UBE3D: variants seen among roughly 807,000 people sequenced by gnomAD.
UBE3D encodes ubiquitin protein ligase E3D.
UBE3D carries 48 observed loss-of-function variants against 49.6 expected under a neutral mutation model. That is an observed-to-expected ratio of 0.97 (90% CI 0.77 to 1.23). UBE3D has a LOEUF of 1.23. Among genes scored for constraint, UBE3D ranks in the 50% most tolerant of loss-of-function variants. The pLI, the probability that UBE3D is intolerant of heterozygous loss-of-function variation, is 0.00. For missense variants in UBE3D, 452 were observed against 468.4 expected (o/e 0.96, Z 0.32); for synonymous variants, 189 against 174.2 (o/e 1.08, Z -0.67).
chr6:82,942,225 GC>G (rs926048863), intron 9 of UBE3D, among the ~76,000 whole-genome samples: 3 of 152,310 alleles, frequency 2.0e-5, no homozygotes, highest in East Asian at 1.9e-4. Context: ...CTATGTTTTA[GC>G]AAAGAGACTG....
chr6:82,965,481 A>G (rs1043687288), intron 8 of UBE3D, among the ~76,000 whole-genome samples: 1 of 151,234 alleles, frequency 6.6e-6, no homozygotes, highest in Admixed American at 6.6e-5. Flanking sequence ...TACTCGGGAG[A>G]CTGAGGCAGG....
chr6:82,918,993 G>T (rs924857770), intron 9 of UBE3D, among the ~76,000 whole-genome samples: 1 of 152,080 alleles, frequency 6.6e-6, no homozygotes, highest in African/African-American at 2.4e-5. Context: ...CTCCATGATT[G>T]GCCTCCTGTG....
chr6:82,915,115 T>C (rs1350030963), intron 9 of UBE3D, among the ~76,000 whole-genome samples: 3 of 152,290 alleles, frequency 2.0e-5, no homozygotes, highest in Middle Eastern at 3.4e-3. Context: ...TTAAGTTTTA[T>C]AGAATGTTCT....
chr6:83,034,902 G>T (rs1782135622), intron 5 of UBE3D, among the ~76,000 whole-genome samples: 1 of 152,052 alleles, frequency 6.6e-6, no homozygotes, highest in South Asian at 2.1e-4. Flanking sequence ...AAAAAAATCA[G>T]CCAGGTATGT....
chr6:83,056,822 G>C (rs965189758), intron 2 of UBE3D, among the ~76,000 whole-genome samples: 10 of 152,164 alleles, frequency 6.6e-5, no homozygotes, highest in African/African-American at 2.4e-4. Flanking sequence ...TATTACAGAT[G>C]AGGCAGCAGC....
In UBE3D at chr6:82,892,857, G is replaced by T; in HGVS notation, c.*165C>A. ...AGATCTAAAGTTAACTCTTCTCTTA[G>T]AGAATACATGCAAACAAGTAAACTT... On this transcript the variant is annotated 3_prime_UTR_variant, in exon 10 of 10. Transcript: ENST00000369747. 2.5e-6 allele frequency: 2 copies of T among 805,694 alleles called. No individual in the cohort carries two copies. Among genetic ancestry groups the T allele is most frequent in the Non-Finnish European group, 4.1e-6 (2 of 482,284 alleles). The allele number at this position is 805,694 out of a possible 1,614,324, so 49.9% of individuals were successfully genotyped here. A position where few individuals can be genotyped will look rare whatever the true frequency, so the allele number is the denominator to read the frequency against.
At chr6:82,926,910 T>C (rs565976521) in intron 9 of UBE3D, among the ~76,000 whole-genome samples, 2 of 152,250 alleles carry the variant, frequency 1.3e-5, no homozygotes, top group East Asian at 3.9e-4. Context: ...TTGCACTGTA[T>C]CTAAAAAGTC....
At chr6:83,051,116 G>C (rs962599440) in intron 3 of UBE3D, among the ~76,000 whole-genome samples, 1 of 152,230 alleles carries the variant, frequency 6.6e-6, no homozygotes, top group Non-Finnish European at 1.5e-5. Flanking sequence ...AAAAGACCTT[G>C]TCGAGCATTA....
At chr6:83,039,950 T>C (rs1782538815) in intron 4 of UBE3D, among the ~76,000 whole-genome samples, 1 of 152,112 alleles carries the variant, frequency 6.6e-6, no homozygotes, top group Non-Finnish European at 1.5e-5. Context: ...TACTGTGTTT[T>C]TAAAAAATGA....
At chr6:83,055,078 C>A (rs968039105) in intron 2 of UBE3D, among the ~76,000 whole-genome samples, 1 of 152,148 alleles carries the variant, frequency 6.6e-6, no homozygotes, top group African/African-American at 2.4e-5. Flanking sequence ...CAAAAAGAGT[C>A]CAGTTTTCCC....
At chr6:82,887,688 A>C (rs1770913439), downstream of UBE3D, among the ~76,000 whole-genome samples, 1 of 150,296 alleles carries the variant, frequency 6.7e-6, no homozygotes, top group Non-Finnish European at 1.5e-5. Context: ...CATCCTGGGC[A>C]ACAGAGAGAT....
rs1780894624 is a variant in UBE3D, at chr6:83,019,042, GCTT to G, written c.938_940del (p.Lys313_Ala314delinsThr). 1 of 1,613,734 alleles carries G rather than the reference GCTT, an allele frequency of 6.2e-7. No homozygotes were observed. Among genetic ancestry groups the G allele is most frequent in the African/African-American group, 1.3e-5 (1 of 74,922 alleles). The stretch of plus-strand genomic sequence containing the variant: ...AGCACTCCAGGCAGAACTAGAATCG[GCTT>G]TGAATGTGTTTTCCAACAAGGGGAA... On this transcript the variant is annotated inframe_deletion, in exon 8 of 10. Coordinates refer to ENST00000369747, the MANE Select transcript of UBE3D (RefSeq NM_198920.3).
chr6:83,002,137 T>G (rs555942808), intron 8 of UBE3D, among the ~76,000 whole-genome samples: 40 of 152,304 alleles, frequency 2.6e-4, no homozygotes, highest in Middle Eastern at 3.4e-3. Context: ...CCAGCTCTTT[T>G]CAGTTTTTCC....
At chr6:83,021,078 C>T (rs770378077) in intron 7 of UBE3D, among the ~76,000 whole-genome samples, 16 of 152,134 alleles carry the variant, frequency 1.1e-4, no homozygotes, top group Non-Finnish European at 1.9e-4. Context: ...GCCACAGAGC[C>T]TCTTCCTCAA....
intron 5 of UBE3D, among the ~76,000 whole-genome samples, chr6:83,029,728 G>T (rs186531427): frequency 6.6e-6 from 1 of 152,310 alleles, no homozygotes; most frequent in Non-Finnish European, 1.5e-5. Context: ...AAGGTTGTTG[G>T]TTATTGGTTG....
At chr6:82,896,990 C>T (rs555381401) in intron 9 of UBE3D, among the ~76,000 whole-genome samples, 51 of 152,000 alleles carry the variant, frequency 3.4e-4, no homozygotes, top group African/African-American at 1.1e-3. Context: ...CCACCCGCCC[C>T]GGCCTCCCAA....
intron 9 of UBE3D, among the ~76,000 whole-genome samples, chr6:82,936,431 A>G (rs1327353678): frequency 1.3e-5 from 2 of 152,156 alleles, no homozygotes; most frequent in East Asian, 3.9e-4. Context: ...AAATCAGAAG[A>G]AAATAATAAT....
At chr6:82,881,481 C>T in the UBE3D span, among the ~76,000 whole-genome samples, 958 of 152,190 alleles carry the variant, frequency 6.3e-3, 16 homozygotes, top group African/African-American at 0.022. Flanking sequence ...CTGGTGATGA[C>T]GCCATAACCT....
intron 8 of UBE3D, among the ~76,000 whole-genome samples, chr6:82,986,402 T>A (rs1053690849): frequency 1.1e-4 from 14 of 129,974 alleles, no homozygotes; most frequent in Non-Finnish European, 1.8e-4. Context: ...AGTCAAGAAG[T>A]GGAGGTTGCA....
Sources: allele counts gnomAD v4.1 joint callset (sites outside exome capture counted in the v4.1 genomes callset), GRCh38; gene constraint gnomAD v4.1.1; transcripts MANE v1.5; gene names NCBI Gene and HGNC (gene_info 2026-07-23, HGNC 2026-07-21).